TWF1: variants seen among roughly 807,000 people sequenced by gnomAD.
The protein encoded by TWF1 is twinfilin actin binding protein 1.
Under a neutral mutation model 47.9 loss-of-function variants are expected in TWF1, and 14 were observed. The observed-to-expected ratio is 0.29, with a 90% CI of 0.19 to 0.46. The LOEUF is 0.46. Among genes scored for constraint, TWF1 ranks in the 20% least tolerant of loss-of-function variants. The pLI, the probability that TWF1 is intolerant of heterozygous loss-of-function variation, is 1.00. For missense variants in TWF1, 281 were observed against 409.3 expected (o/e 0.69, Z 2.70); for synonymous variants, 96 against 139.2 (o/e 0.69, Z 2.18).
In TWF1 at chr12:43,798,514, A is replaced by G; in HGVS notation, c.484-681T>C. On this transcript the variant is annotated intron_variant, in intron 5 of 8. Transcript: ENST00000395510. ...AAAAAATGAATGGAGATTCTACAGC[A>G]TAAATGATATTGGTTAATGAAAACA... is the stretch of plus-strand genomic sequence containing the variant. The G allele has an allele frequency of 2.7e-6, 4 of 1,474,582 alleles. No homozygotes were observed. In the South Asian group the frequency reaches 5.3e-5, roughly 20 times the overall value. 91.3% of individuals were successfully genotyped at this position (1,474,582 alleles called of 1,614,324 possible).
Position 43,800,605 on chromosome 12 carries a change from A to G in TWF1, c.283-75T>C, listed in dbSNP as rs1391223997. On this transcript the variant is annotated intron_variant, in intron 3 of 8. Coordinates refer to ENST00000395510, the MANE Select transcript of TWF1 (RefSeq NM_002822.5). ...ACAAAAGCAAGCACATTCTGAATAT[A>G]TTAATATCCTGAATCACATTAAAAA... 6 of 1,139,554 alleles carry G rather than the reference A, an allele frequency of 5.3e-6. No individual in the cohort carries two copies. The Admixed American group carries it at 1.1e-4, about 22-fold the overall frequency. 70.6% of individuals were successfully genotyped at this position (1,139,554 alleles called of 1,614,324 possible). A position where few individuals can be genotyped will look rare whatever the true frequency, so the allele number is the denominator to read the frequency against.
chr12:43,802,750 A>G (rs1449294151), intron 2 of TWF1, among the ~76,000 whole-genome samples: 1 of 152,214 alleles, frequency 6.6e-6, no homozygotes, highest in Non-Finnish European at 1.5e-5. Flanking sequence ...AAATAATGTA[A>G]TGACCTATAA....
At chr12:43,804,791 T>G (rs1489892024) in intron 1 of TWF1, among the ~76,000 whole-genome samples, 1 of 152,260 alleles carries the variant, frequency 6.6e-6, no homozygotes, top group East Asian at 1.9e-4. Flanking sequence ...AATTCTAATC[T>G]GTTTTAGCTA....
chr12:43,795,799 C>T, intron 8 of TWF1, 44 bp from the exon 9 acceptor site: 1 of 1,593,960 alleles, frequency 6.3e-7, no homozygotes, highest in Non-Finnish European at 8.6e-7. Context: ...AAACCTAATA[C>T]AAGCAACAAG....
In TWF1 at chr12:43,799,515, AATAGACT is replaced by A. The variant is rs1942620467; in HGVS notation, c.379-20_379-14del. 6.9e-7 allele frequency: 1 copy of A among 1,459,690 alleles called. No homozygotes were observed. Among genetic ancestry groups the A allele is most frequent in the Admixed American group, 1.8e-5 (1 of 55,556 alleles). The allele number at this position is 1,459,690 out of a possible 1,614,324, so 90.4% of individuals were successfully genotyped here. On this transcript the variant is annotated splice_polypyrimidine_tract_variant and intron_variant, in intron 4 of 8. Transcript: ENST00000395510. ...ATGATACATCTTCCTGTAAGTACAGAATAGACTATAATCAGTAATTCTCTAGAAGTAA... is the reference window on the plus strand; with the variant it reads ...ATGATACATCTTCCTGTAAGTACAGAATAATCAGTAATTCTCTAGAAGTAA...
chr12:43,797,910 A>G (rs1038145286), intron 5 of TWF1, 77 bp from the exon 6 acceptor site: 191 of 1,443,216 alleles, frequency 1.3e-4, no homozygotes, highest in Non-Finnish European at 1.7e-4. Context: ...CCCAACCTCT[A>G]TAAAATAGTA....
At chr12:43,797,179 A>T in intron 7 of TWF1, 82 bp from the exon 8 acceptor site, 1 of 1,487,178 alleles carries the variant, frequency 6.7e-7, no homozygotes, top group Admixed American at 2.2e-5. Flanking sequence ...CTTCATAAAA[A>T]CAAGTACAGA....
chr12:43,796,929 A>G (rs746552938), intron 8 of TWF1, 47 bp downstream of exon 8: 7 of 1,578,228 alleles, frequency 4.4e-6, no homozygotes, highest in South Asian at 2.3e-5. Flanking sequence ...ATAGAAATGA[A>G]AAGAAAAATT....
Position 43,804,504 on chromosome 12 carries a change from T to G in TWF1, c.94A>C (p.Ile32Leu). The change falls in exon 2 of 9, where the codon ATT becomes CTT. Residue 32 changes from isoleucine to leucine, a missense_variant. Ile to Leu is a conservative substitution (Grantham distance 5). Coordinates refer to ENST00000395510, the MANE Select transcript of TWF1 (RefSeq NM_002822.5). Reference protein sequence around the residue: ...NGKYRLLKISIENEQLVIGSY... With the variant: ...NGKYRLLKISLENEQLVIGSY... ...AAAATATTTAACTAACCATTTTCAA[T>G]AGATATTTTCAGAAGTCTGTACTTT... 1 of 1,586,920 alleles carries G rather than the reference T, an allele frequency of 6.3e-7. No individual in the cohort carries two copies.
At chr12:43,802,604 T>C (rs10880568) in intron 2 of TWF1, 140 bp from the exon 3 acceptor site, 239,991 of 629,776 alleles carry the variant, frequency 0.38, 48,953 homozygotes, top group East Asian at 0.63. Flanking sequence ...AAAAATGTGG[T>C]AACATAGAAA....
At chr12:43,805,773 C>T (rs79591009) in intron 1 of TWF1, 1 of 1,349,428 alleles carries the variant, frequency 7.4e-7, no homozygotes, top group East Asian at 4.5e-5. Flanking sequence ...TGGCATGGTT[C>T]TTTTTGTAAT....
intron 1 of TWF1, 39 bp from the exon 2 acceptor site, chr12:43,804,611 A>C: frequency 2.2e-6 from 3 of 1,362,720 alleles, no homozygotes; most frequent in Non-Finnish European, 3.1e-6. Flanking sequence ...TTTTATACTT[A>C]CATATAAATA....
intron 5 of TWF1, chr12:43,798,590 T>C (rs1257015172): frequency 5.9e-6 from 9 of 1,520,132 alleles, no homozygotes; most frequent in South Asian, 2.5e-5. Flanking sequence ...TGGGCTCTGA[T>C]TGCAAGAAAT....
rs1942520762 is a variant in TWF1 at position 43,794,773 on chromosome 12, T to G, written c.*812A>C. 6.6e-6 allele frequency: 1 copy of G among 152,338 alleles called. No individual in the cohort carries two copies. Among genetic ancestry groups the G allele is most frequent in the African/African-American group, 2.4e-5 (1 of 41,446 alleles). 9.4% of individuals were successfully genotyped at this position (152,338 alleles called of 1,614,324 possible). A position where few individuals can be genotyped will look rare whatever the true frequency, so the allele number is the denominator to read the frequency against. ...TGCTCGGAAGTGATAAAGAACACAA[T>G]TTGCCCATAAATGTATGGTTTTGGA... is the stretch of plus-strand genomic sequence containing the variant. On this transcript the variant is annotated 3_prime_UTR_variant, in exon 9 of 9. Transcript: ENST00000395510.
At chr12:43,798,493 A>C in intron 5 of TWF1, 4 of 1,416,574 alleles carry the variant, frequency 2.8e-6, no homozygotes, top group Non-Finnish European at 3.7e-6. Flanking sequence ...CTTTTAAAAA[A>C]ATGAATGGAG....
intron 1 of TWF1, among the ~76,000 whole-genome samples, chr12:43,804,974 C>T (rs532558259): frequency 1.1e-4 from 17 of 152,328 alleles, no homozygotes; most frequent in African/African-American, 4.1e-4. Context: ...TTCATCAATT[C>T]ACTTTCTGTA....
rs1322026190 is a variant in TWF1 at position 43,797,814 on chromosome 12, A to G, written c.503T>C (p.Val168Ala). The change falls in exon 6 of 9, where the codon GTG (valine) becomes GCG (alanine). Residue 168 changes from valine to alanine, a missense_variant. Coordinates refer to ENST00000395510, the MANE Select transcript of TWF1 (RefSeq NM_002822.5). ...KINEVQTDVG[V>A]DTKHQTLQGV... ...TTGTAGTGTTTGATGCTTAGTGTCC[A>G]CACCCACGTCAGTCTGTACCTAAGT... 6.2e-7 allele frequency: 1 copy of G among 1,613,346 alleles called. No homozygotes were observed. Among genetic ancestry groups the G allele is most frequent in the Non-Finnish European group, 8.5e-7 (1 of 1,179,454 alleles).
Position 43,806,222 on chromosome 12 carries a change from T to C in TWF1, c.24A>G (p.Gln8=). 1 of 1,540,486 alleles carries C rather than the reference T, an allele frequency of 6.5e-7. No individual in the cohort carries two copies. The highest frequency in any genetic ancestry group is 8.7e-7 in the Non-Finnish European group (1 of 1,144,496). The change falls in exon 1 of 9, where the codon CAA becomes CAG. Residue 8 remains glutamine, a splice_region_variant and synonymous_variant. Coordinates refer to ENST00000395510, the MANE Select transcript of TWF1 (RefSeq NM_002822.5). Reference sequence around the variant, plus strand: ...GCGAGTCGCGCCGGGCGCTGTTACCTTGGATGCCGGTCTGGTGGGACATGG... The same window carrying C: ...GCGAGTCGCGCCGGGCGCTGTTACCCTGGATGCCGGTCTGGTGGGACATGG... The part of the protein sequence containing the change: MSHQTGI[Q]ASEDVKEIFA...
At chr12:43,800,344 C>A in intron 4 of TWF1, 91 bp downstream of exon 4, 2 of 809,214 alleles carry the variant, frequency 2.5e-6, no homozygotes, top group South Asian at 1.8e-5. Context: ...TCAGATTATC[C>A]ATCTGAATTC....
Sources: gnomAD v4.1 joint callset for allele counts (sites outside exome capture counted in the v4.1 genomes callset) on GRCh38, gnomAD v4.1.1 for gene constraint, MANE v1.5 for transcripts, NCBI Gene and HGNC (gene_info 2026-07-23, HGNC 2026-07-21) for gene names.